Variants in PRDM16 observed in about 807,000 individuals in gnomAD.
PRDM16 encodes the protein PR/SET domain 16.
In PRDM16, 23 loss-of-function variants were observed where a neutral mutation model predicts 110.6. The observed-to-expected ratio is 0.21, with a 90% CI of 0.15 to 0.29. The LOEUF is 0.29. PRDM16 is among the 10% of genes least tolerant of loss of function. The probability of loss-of-function intolerance (pLI) is 1.00; values close to 1 mark genes in which losing one functional copy is unlikely to be tolerated. For missense variants in PRDM16, 1,615 were observed against 1,794.3 expected, an observed-to-expected ratio of 0.90 and a Z score of 1.81; for synonymous variants, 799 against 781.8, an observed-to-expected ratio of 1.02 and a Z score of -0.37.
intron 1 of PRDM16, among the ~76,000 whole-genome samples, chr1:3,144,797 T>A (rs141093868): frequency 9.1e-4 from 139 of 152,294 alleles, no homozygotes; most frequent in African/African-American, 3.2e-3. Flanking sequence ...AAGAATGCCC[T>A]GAGACCAGAA....
chr1:3,115,153 T>TG lies in PRDM16; in HGVS notation c.37+45864dup, dbSNP rs943310871. 1.7e-4 allele frequency among the ~76,000 whole-genome samples: 26 copies of TG among 152,214 alleles called. No homozygotes were observed. In the South Asian group the frequency reaches 4.1e-3, roughly 24 times the overall value. On this transcript the variant is annotated intron_variant, in intron 1 of 16. Coordinates refer to ENST00000270722, the MANE Select transcript of PRDM16 (RefSeq NM_022114.4). ...ATCATCACATTCCTCGGTGAGTGGTTGGGGGGGCACTCGCTATTGGATGGC... is the reference window on the plus strand; with the variant it reads ...ATCATCACATTCCTCGGTGAGTGGTTGGGGGGGGCACTCGCTATTGGATGGC...
At chr1:3,361,328 C>G (rs574175844) in intron 3 of PRDM16, among the ~76,000 whole-genome samples, 2 of 152,306 alleles carry the variant, frequency 1.3e-5, no homozygotes, top group South Asian at 2.1e-4. Flanking sequence ...GTGTTGAAGC[C>G]GTCCAGGACC....
intron 2 of PRDM16, among the ~76,000 whole-genome samples, chr1:3,225,585 G>C (rs1298611779): frequency 6.9e-6 from 1 of 144,164 alleles, no homozygotes; most frequent in African/African-American, 2.9e-5. Flanking sequence ...CGCGCGCGCA[G>C]AAGGAAGGAA....
At chr1:3,153,063 C>A (rs1643804395) in intron 1 of PRDM16, among the ~76,000 whole-genome samples, 1 of 152,256 alleles carries the variant, frequency 6.6e-6, no homozygotes, top group South Asian at 2.1e-4. Context: ...CAGGCCAGAG[C>A]CAGCTCCAGC....
chr1:3,226,132 G>A (rs1639283840), intron 2 of PRDM16, among the ~76,000 whole-genome samples: 2 of 152,196 alleles, frequency 1.3e-5, no homozygotes, highest in Admixed American at 1.3e-4. Context: ...GGTAAGGCTG[G>A]GAGCAGCTAT....
rs145959765 is a variant in PRDM16, at chr1:3,094,989, T to C, written c.37+25693T>C. The stretch of plus-strand genomic sequence containing the variant: ...AGCTGCATGGGGGAATTGCCCGTGC[T>C]GGGCGAGATGAAGCCAGCAGGAGGG... On this transcript the variant is annotated intron_variant, in intron 1 of 16. Coordinates refer to ENST00000270722, the MANE Select transcript of PRDM16 (RefSeq NM_022114.4). 5.3e-3 allele frequency among the ~76,000 whole-genome samples: 810 copies of C among 152,316 alleles called. 5 individuals are homozygous for C. The highest frequency in any genetic ancestry group is 0.021 in the South Asian group (99 of 4,828).
chr1:3,154,166 C>A (rs1390710279), intron 1 of PRDM16, among the ~76,000 whole-genome samples: 2 of 152,196 alleles, frequency 1.3e-5, no homozygotes, highest in Non-Finnish European at 2.9e-5. Flanking sequence ...GTCACCGGGA[C>A]CTGCCACGGT....
intron 1 of PRDM16, among the ~76,000 whole-genome samples, chr1:3,126,636 AGGAGCCTCCAGCCCT>A (rs1643215091): frequency 6.6e-6 from 1 of 152,172 alleles, no homozygotes; most frequent in Admixed American, 6.5e-5. Context: ...GGACTGGACC[AGGAGCCTCCAGCCCT>A]GGGCTCTGTC....
Position 3,426,190 on chromosome 1 carries a change from T to C in PRDM16, c.3249T>C (p.Ser1083=). The C allele has an allele frequency of 6.2e-7, 1 of 1,613,704 alleles. No individual in the cohort carries two copies. The highest frequency in any genetic ancestry group is 1.1e-5 in the South Asian group (1 of 91,058). ...FSEIRNFIAN[S]EMNQASTRTE... ...AAATCAGAAACTTTATTGCCAATAG[T>C]GAGATGAACCAAGCATCAACGCGAA... Residue 1083 remains serine, a synonymous_variant, in exon 14 of 17, where the codon AGT becomes AGC. Coordinates refer to ENST00000270722, the MANE Select transcript of PRDM16 (RefSeq NM_022114.4).
chr1:3,148,973 G>A lies in PRDM16; in HGVS notation c.38-37152G>A, dbSNP rs1367022767. Among the ~76,000 whole-genome samples, 1 of 152,172 alleles carries A rather than the reference G, an allele frequency of 6.6e-6. No individual in the cohort carries two copies. On this transcript the variant is annotated intron_variant, in intron 1 of 16. Transcript: ENST00000270722. This position sits in a 1 kb window ranked among gnomAD's most constrained non-coding sequence, Gnocchi z 5.0. Reference sequence around the variant, plus strand: ...GCCCAGCTCTACTGGTATCAGGGGGGTCATGGGAGCCCCCCATCCCAGGGG... The same window carrying A: ...GCCCAGCTCTACTGGTATCAGGGGGATCATGGGAGCCCCCCATCCCAGGGG...
intron 3 of PRDM16, among the ~76,000 whole-genome samples, chr1:3,316,430 T>A (rs1237763397): frequency 6.6e-6 from 1 of 152,164 alleles, no homozygotes; most frequent in African/African-American, 2.4e-5. Context: ...AATGGGCACT[T>A]ATGAAGTGCC....
intron 3 of PRDM16, among the ~76,000 whole-genome samples, chr1:3,377,477 G>T (rs1172479198): frequency 6.6e-6 from 1 of 152,208 alleles, no homozygotes; most frequent in Non-Finnish European, 1.5e-5. Context: ...TGCAAAAAAT[G>T]TAAAGGTTAA....
At chr1:3,398,035 GA>G in intron 5 of PRDM16, among the ~76,000 whole-genome samples, 1 of 152,104 alleles carries the variant, frequency 6.6e-6, no homozygotes, top group African/African-American at 2.4e-5. Flanking sequence ...ATTGAGAAAA[GA>G]AAAATCAATT....
intron 4 of PRDM16, among the ~76,000 whole-genome samples, chr1:3,387,748 C>T (rs1311710508): frequency 3.3e-5 from 5 of 152,230 alleles, no homozygotes; most frequent in African/African-American, 1.2e-4. Context: ...CCTGAAATCT[C>T]AACCGTGAAT....
intron 1 of PRDM16, among the ~76,000 whole-genome samples, chr1:3,082,331 C>T (rs1029184979): frequency 2.0e-5 from 3 of 152,174 alleles, no homozygotes; most frequent in Non-Finnish European, 2.9e-5. Context: ...GAGGGCGCCT[C>T]GGGGTCTGCC....
At chr1:3,194,412 T>A (rs1354199220) in intron 2 of PRDM16, among the ~76,000 whole-genome samples, 3 of 152,148 alleles carry the variant, frequency 2.0e-5, no homozygotes, top group Non-Finnish European at 4.4e-5. Context: ...GCTGAGCTCT[T>A]AGATCACCCT....
intron 3 of PRDM16, among the ~76,000 whole-genome samples, chr1:3,280,478 C>T (rs2100323987): frequency 6.6e-6 from 1 of 152,306 alleles, no homozygotes; most frequent in South Asian, 2.1e-4. Context: ...CAACCTCACA[C>T]CAGAGAAAAG....
chr1:3,290,275 T>C lies in PRDM16; in HGVS notation c.438+46138T>C, dbSNP rs548002279. On this transcript the variant is annotated intron_variant, in intron 3 of 16. Coordinates refer to ENST00000270722, the MANE Select transcript of PRDM16 (RefSeq NM_022114.4). This position sits in a 1 kb window ranked among gnomAD's most constrained non-coding sequence, Gnocchi z 4.8. ...GGAAGGAGCGACGGGGTGGGAGGGA[T>C]CTGCCTGCCAGCCCACAGGGCTCAG... Among the ~76,000 whole-genome samples the C allele has an allele frequency of 6.6e-5, 10 of 152,120 alleles. No homozygotes were observed. In the South Asian group the frequency reaches 2.1e-3, roughly 32 times the overall value.
At chr1:3,316,667 A>T (rs1240304196) in intron 3 of PRDM16, among the ~76,000 whole-genome samples, 1 of 141,042 alleles carries the variant, frequency 7.1e-6, no homozygotes, top group Non-Finnish European at 1.5e-5. Context: ...CACAGGGTAG[A>T]CAGGAAACAG....
Sources: gnomAD v4.1 joint callset for allele counts (sites outside exome capture counted in the v4.1 genomes callset) on GRCh38, gnomAD v4.1.1 for gene constraint, Gnocchi (gnomAD v3.1) non-coding constraint, MANE v1.5 for transcripts, NCBI Gene and HGNC (gene_info 2026-07-23, HGNC 2026-07-21) for gene names.